Variants in MAN2B1 observed in about 807,000 individuals in gnomAD.
MAN2B1 encodes mannosidase alpha class 2B member 1, also known as lysosomal alpha-mannosidase.
A neutral mutation model predicts 127.5 loss-of-function variants in MAN2B1; 99 were observed. That is an observed-to-expected ratio of 0.78 (90% CI 0.66 to 0.92). The LOEUF (loss-of-function observed/expected upper bound fraction) is 0.92, where lower values mean the gene tolerates loss of function less well. Among genes scored for constraint, MAN2B1 ranks in the 40% least tolerant of loss-of-function variants. The pLI is 0.00. For missense variants in MAN2B1, 1,304 were observed against 1,384.8 expected (o/e 0.94, Z 0.93); for synonymous variants, 573 against 568.8 (o/e 1.01, Z -0.11).
In MAN2B1 at chr19:12,663,760, C is replaced by G. The variant is rs1264376636; in HGVS notation, c.706G>C (p.Glu236Gln). 6 of 1,614,172 alleles carry G rather than the reference C, an allele frequency of 3.7e-6. No individual in the cohort carries two copies. Among genetic ancestry groups the G allele is most frequent in the Admixed American group, 1.7e-5 (1 of 60,016 alleles). The stretch of plus-strand genomic sequence containing the variant: ...CTGGTGCTGGCCCGCCACACCTGCT[C>G]CATCTCCAGCTTCTGCATCCGTACC... The part of the protein sequence containing the change: ...KWVRMQKLEM[E>Q]QVWRASTSLK... The change falls in exon 5 of 24, where the codon GAG becomes CAG. Residue 236 changes from glutamate to glutamine, a missense_variant. Coordinates refer to ENST00000456935, the MANE Select transcript of MAN2B1 (RefSeq NM_000528.4).
rs1318280128 is a variant in MAN2B1, at chr19:12,648,422, G to A, written c.2437-20C>T. 18 of 1,585,978 alleles carry A rather than the reference G, an allele frequency of 1.1e-5. No individual in the cohort carries two copies. The Admixed American group carries it at 3.0e-4, about 27-fold the overall frequency. ...GTGCACCTGGGGGGAGAGTGGCCAG[G>A]AGGGGGTGAGAGTCGTGGGTTTGTG... On this transcript the variant is annotated intron_variant, in intron 20 of 23. Transcript: ENST00000456935.
Position 12,655,662 on chromosome 19 carries a change from GAGC to G in MAN2B1, c.1830+29_1830+31del, listed in dbSNP as rs1209566962. 3.1e-6 allele frequency: 5 copies of G among 1,597,230 alleles called. No homozygotes were observed. The African/African-American group carries it at 6.7e-5, about 21-fold the overall frequency. The stretch of plus-strand genomic sequence containing the variant: ...CCATGACACTTCAAATTTGTCACAG[GAGC>G]AGGAAAGGGGATTGAAATGGGGTCT... On this transcript the variant is annotated intron_variant, in intron 14 of 23. Transcript: ENST00000456935.
intron 14 of MAN2B1, among the ~76,000 whole-genome samples, chr19:12,653,000 A>G (rs971459357): frequency 2.0e-5 from 3 of 150,662 alleles, no homozygotes; most frequent in African/African-American, 7.3e-5. Context: ...TGCCTGGCTA[A>G]TTTTTGTATT....
intron 2 of MAN2B1, 67 bp from the exon 3 acceptor site, chr19:12,665,592 A>G: frequency 1.9e-6 from 3 of 1,601,832 alleles, no homozygotes; most frequent in Non-Finnish European, 2.6e-6. Flanking sequence ...TAGACAGAGG[A>G]GCCCAAACCC....
In MAN2B1 at chr19:12,649,425, C is replaced by G. The variant is rs746029937; in HGVS notation, c.2271G>C (p.Arg757=). ...SNGREILERR[R]DYRPTWKLNQ... ...TCAGTTTCCAGGTGGGTCGATAATC[C>G]CGCCTGGGGTTGGGGGTGAGCTGAT... The change falls in exon 19 of 24, where the codon CGG becomes CGC. Residue 757 remains arginine, a synonymous_variant. Coordinates refer to ENST00000456935, the MANE Select transcript of MAN2B1 (RefSeq NM_000528.4). 2 of 1,599,892 alleles carry G rather than the reference C, an allele frequency of 1.3e-6. No individual in the cohort carries two copies. The highest frequency in any genetic ancestry group is 3.4e-5 in the Admixed American group (2 of 59,022).
At chr19:12,657,716 T>G (rs1196244115) in intron 10 of MAN2B1, 161 bp from the exon 11 acceptor site, 1 of 702,554 alleles carries the variant, frequency 1.4e-6, no homozygotes. Context: ...CCCAGCACTT[T>G]GAGAGACCGA....
chr19:12,650,838 T>G (rs1244592194), intron 16 of MAN2B1, among the ~76,000 whole-genome samples: 2 of 151,274 alleles, frequency 1.3e-5, no homozygotes, highest in Non-Finnish European at 2.9e-5. Flanking sequence ...CCTGGCTAAT[T>G]TTTGTATTTT....
rs771857246 is a variant in MAN2B1 at position 12,665,558 on chromosome 19, C to T, written c.263-33G>A. On this transcript the variant is annotated intron_variant, in intron 2 of 23. Transcript: ENST00000456935. ...TAACAGGGATAAGGCTCTCAGGGAA[C>T]AGCAGAGCCAAGGGGGTTATTCCTA... The T allele has an allele frequency of 9.9e-6, 16 of 1,613,298 alleles. No individual in the cohort carries two copies. In the Admixed American group the frequency reaches 1.3e-4, roughly 13 times the overall value.
At position 12,657,027 on chromosome 19, in the gene MAN2B1, G is replaced by A. The variant is rs761956488; in HGVS notation, c.1449C>T (p.Leu483=). ...EVLLSNALAR[L]RGFKDHFTFC... ...AGGTGAAGTGATCTTTGAAGCCTCT[G>A]AGCCGCGCCAGCGCGTTGCTCAGAA... Residue 483 remains leucine (L), a synonymous_variant, in exon 12 of 24, where the codon CTC becomes CTT. Transcript: ENST00000456935. 6.2e-7 allele frequency: 1 copy of A among 1,612,998 alleles called. No homozygotes were observed. The highest frequency in any genetic ancestry group is 8.5e-7 in the Non-Finnish European group (1 of 1,179,832).
At chr19:12,662,356 C>T (rs1048548598) in intron 6 of MAN2B1, among the ~76,000 whole-genome samples, 3 of 151,774 alleles carry the variant, frequency 2.0e-5, no homozygotes, top group Non-Finnish European at 2.9e-5. Context: ...AAAGGCTGGA[C>T]GCGGTGGCTC....
chr19:12,665,212 TC>T, intron 3 of MAN2B1, 139 bp downstream of exon 3: 2 of 1,179,022 alleles, frequency 1.7e-6, no homozygotes, highest in South Asian at 2.4e-5. Context: ...ATAGGAGGTC[TC>T]CAAATGGAGA....
chr19:12,655,593 G>T, intron 14 of MAN2B1, 101 bp downstream of exon 14: 3 of 1,214,294 alleles, frequency 2.5e-6, no homozygotes, highest in Non-Finnish European at 3.5e-6. Context: ...GTGACAGGAG[G>T]TCATAAGCCT....
Position 12,648,183 on chromosome 19 carries a change from G to A in MAN2B1, c.2656C>T (p.Arg886Cys). Residue 886 changes from arginine (R) to cysteine (C), a missense_variant, in exon 21 of 24, where the codon CGC becomes TGC. Arg to Cys is a radical substitution (Grantham distance 180). Transcript: ENST00000456935. ...ACCCCGCTGCCCCTCACCTGCGTGC[G>A]CGGAGGAGCCCCGAGATTGTAGGCG... ...GAAYNLGAPPRTQFSGLRRDL... is the reference protein window; with the variant it reads ...GAAYNLGAPPCTQFSGLRRDL... 1 of 1,538,232 alleles carries A rather than the reference G, an allele frequency of 6.5e-7. No individual in the cohort carries two copies. Among genetic ancestry groups the A allele is most frequent in the Non-Finnish European group, 8.7e-7 (1 of 1,147,798 alleles).
intron 10 of MAN2B1, 82 bp from the exon 11 acceptor site, chr19:12,657,637 G>A (rs974563650): frequency 1.6e-6 from 2 of 1,239,432 alleles, no homozygotes. Context: ...CGGTGCTGGC[G>A]GGCAGGATTC....
intron 10 of MAN2B1, chr19:12,657,823 T>C (rs1239374704): frequency 4.8e-5 from 29 of 607,804 alleles, no homozygotes; most frequent in Middle Eastern, 4.3e-4. Flanking sequence ...GGCGTGGTGG[T>C]GGGCGCCTGT....
chr19:12,664,606 C>G (rs1202083763), intron 4 of MAN2B1, among the ~76,000 whole-genome samples, 186 bp downstream of exon 4: 5 of 152,174 alleles, frequency 3.3e-5, no homozygotes, highest in African/African-American at 1.2e-4. Context: ...CTGGGCTGGG[C>G]ATAGCCGGCT....
chr19:12,648,104 A>T, intron 21 of MAN2B1, 71 bp downstream of exon 21: 1 of 1,416,978 alleles, frequency 7.1e-7, no homozygotes. Context: ...AGCCTAGGAA[A>T]CTCCGCACCC....
intron 14 of MAN2B1, among the ~76,000 whole-genome samples, chr19:12,654,711 G>A (rs1030618724): frequency 6.6e-6 from 1 of 152,112 alleles, no homozygotes; most frequent in African/African-American, 2.4e-5. Flanking sequence ...GTCTCACTTT[G>A]TCACCCAGGC....
At chr19:12,649,475 CTCT>C in intron 18 of MAN2B1, 47 bp from the exon 19 acceptor site, 16 of 574,466 alleles carry the variant, frequency 2.8e-5, no homozygotes, top group Non-Finnish European at 4.2e-5. Flanking sequence ...GGCTCCCCAA[CTCT>C]TTTTTTTTTT....
Sources: allele counts gnomAD v4.1 joint callset (sites outside exome capture counted in the v4.1 genomes callset), GRCh38; gene constraint gnomAD v4.1.1; transcripts MANE v1.5; gene names NCBI Gene and HGNC (gene_info 2026-07-23, HGNC 2026-07-21).